Variants in TMED3 observed in about 807,000 individuals in gnomAD.
TMED3 encodes the protein transmembrane emp24 domain-containing protein 3.
Under a neutral mutation model 15.0 loss-of-function variants are expected in TMED3, and 9 were observed. The observed-to-expected ratio is 0.60, with a 90% CI of 0.36 to 1.04. The LOEUF (loss-of-function observed/expected upper bound fraction) is 1.04, where lower values mean the gene tolerates loss of function less well. TMED3 is among the 50% of genes least tolerant of loss of function. TMED3 has a pLI of 0.01. For synonymous variants in TMED3, 117 were observed against 121.4 expected (o/e 0.96, Z 0.24); for missense variants, 267 against 278.9 (o/e 0.96, Z 0.30).
At chr15:79,318,161 G>A (rs568183037) in intron 2 of TMED3, among the ~76,000 whole-genome samples, 4 of 152,212 alleles carry the variant, frequency 2.6e-5, no homozygotes, top group South Asian at 4.1e-4. Context: ...TCAGCTTGTC[G>A]TGTCCCATGT....
chr15:79,342,248 C>G (rs1330997934), intron 2 of TMED3, among the ~76,000 whole-genome samples: 1 of 151,120 alleles, frequency 6.6e-6, no homozygotes. Flanking sequence ...TGTTGGATCA[C>G]AAAGCAAAAC....
intron 2 of TMED3, among the ~76,000 whole-genome samples, chr15:79,319,201 T>G (rs551227336): frequency 7.9e-4 from 121 of 152,340 alleles, no homozygotes; most frequent in African/African-American, 2.9e-3. Flanking sequence ...CCTTTCTACG[T>G]GTGACATTTC....
At chr15:79,382,568 G>GCC (rs888868343) in intron 2 of TMED3, among the ~76,000 whole-genome samples, 34 of 152,296 alleles carry the variant, frequency 2.2e-4, no homozygotes, top group African/African-American at 7.9e-4. Context: ...TCCCACAGTG[G>GCC]CCCTCTGGCC....
At chr15:79,319,633 A>G (rs994861538) in intron 2 of TMED3, among the ~76,000 whole-genome samples, 1 of 152,188 alleles carries the variant, frequency 6.6e-6, no homozygotes, top group African/African-American at 2.4e-5. Context: ...CACTACCACC[A>G]AGACGCAGAG....
At chr15:79,362,181 T>C (rs1893142600) in intron 2 of TMED3, among the ~76,000 whole-genome samples, 1 of 151,878 alleles carries the variant, frequency 6.6e-6, no homozygotes, top group Non-Finnish European at 1.5e-5. Flanking sequence ...TATAAGTTAA[T>C]ATAGTTGGGT....
downstream of TMED3, among the ~76,000 whole-genome samples, chr15:79,323,088 A>G (rs1471929201): frequency 6.6e-6 from 1 of 152,332 alleles, no homozygotes; most frequent in East Asian, 1.9e-4. Flanking sequence ...TTCCTCTGAT[A>G]ATACCTTCTC....
At chr15:79,356,303 C>T (rs559079825) in intron 2 of TMED3, among the ~76,000 whole-genome samples, 8 of 152,266 alleles carry the variant, frequency 5.3e-5, no homozygotes, top group Admixed American at 1.3e-4. Flanking sequence ...ATTCATTTAG[C>T]GACAGGGTGG....
At chr15:79,331,553 A>C (rs1017008001) in intron 2 of TMED3, among the ~76,000 whole-genome samples, 31 of 151,756 alleles carry the variant, frequency 2.0e-4, no homozygotes, top group African/African-American at 7.3e-4. Flanking sequence ...AAAAAAAAAA[A>C]AAAAAAAAGG....
At chr15:79,340,087 C>T (rs538168787) in intron 2 of TMED3, among the ~76,000 whole-genome samples, 2 of 152,258 alleles carry the variant, frequency 1.3e-5, no homozygotes, top group South Asian at 4.1e-4. Flanking sequence ...CCCATTGCTC[C>T]TAGTAAATAC....
intron 2 of TMED3, among the ~76,000 whole-genome samples, chr15:79,389,039 C>T (rs1199726178): frequency 5.3e-5 from 8 of 151,996 alleles, no homozygotes; most frequent in Admixed American, 2.6e-4. Context: ...CTCTGTGGGT[C>T]GTCTATTTAC....
chr15:79,324,809 TAGAA>T (rs146870412), downstream of TMED3, among the ~76,000 whole-genome samples: 358 of 152,296 alleles, frequency 2.4e-3, no homozygotes, highest in African/African-American at 8.3e-3. Context: ...GGCATTTTAG[TAGAA>T]AGAGGACTGG....
intron 2 of TMED3, among the ~76,000 whole-genome samples, chr15:79,346,278 G>A (rs750934977): frequency 3.3e-5 from 5 of 152,048 alleles, no homozygotes; most frequent in African/African-American, 4.8e-5. Context: ...GTTTTGATAT[G>A]GTTAGACTTT....
At chr15:79,378,939 A>G (rs116879041) in intron 2 of TMED3, among the ~76,000 whole-genome samples, 50 of 152,322 alleles carry the variant, frequency 3.3e-4, no homozygotes, top group Non-Finnish European at 5.9e-4. Context: ...TAATATGGCA[A>G]AAGTGATATA....
Position 79,312,688 on chromosome 15 carries a change from A to C in TMED3, c.169-1069A>C, listed in dbSNP as rs1035644585. 1.2e-4 allele frequency among the ~76,000 whole-genome samples: 19 copies of C among 152,212 alleles called. No homozygotes were observed. In the East Asian group the frequency reaches 1.9e-3, roughly 15 times the overall value. ...TGGGTCTTATTTTTCTTATGTTACAAGGAGAGTTTGAACTAAATGATTCCC... is the reference window on the plus strand; with the variant it reads ...TGGGTCTTATTTTTCTTATGTTACACGGAGAGTTTGAACTAAATGATTCCC... On this transcript the variant is annotated intron_variant, in intron 1 of 2. Transcript: ENST00000299705.
chr15:79,322,440 A>G lies in TMED3; in HGVS notation c.*226A>G. ...ACTGCATTAAGTGTGCAGCGCTGAA[A>G]AGACATTTACAACTAGGCCAGGGAT... On this transcript the variant is annotated 3_prime_UTR_variant, in exon 3 of 3. Coordinates refer to ENST00000299705, the MANE Select transcript of TMED3 (RefSeq NM_007364.4). The G allele has an allele frequency of 1.5e-6, 2 of 1,372,514 alleles. No homozygotes were observed. The highest frequency in any genetic ancestry group is 3.5e-5 in the South Asian group (2 of 56,576). 85.0% of individuals were successfully genotyped at this position (1,372,514 alleles called of 1,614,324 possible).
At chr15:79,407,450 A>C (rs1218431740) in intron 2 of TMED3, among the ~76,000 whole-genome samples, 3 of 152,160 alleles carry the variant, frequency 2.0e-5, no homozygotes, top group Non-Finnish European at 4.4e-5. Flanking sequence ...TTCTTCCCAA[A>C]GTAAGGACTC....
chr15:79,323,167 C>T (rs1471221979), downstream of TMED3, among the ~76,000 whole-genome samples: 1 of 152,218 alleles, frequency 6.6e-6, no homozygotes, highest in African/African-American at 2.4e-5. Context: ...TGAAGTCCCT[C>T]CCAACCACTC....
chr15:79,366,771 C>G (rs1163538606), intron 2 of TMED3, among the ~76,000 whole-genome samples: 3 of 152,202 alleles, frequency 2.0e-5, no homozygotes, highest in African/African-American at 7.2e-5. Context: ...CTTCACAAAT[C>G]TAAAGCTCCA....
chr15:79,353,870 C>T (rs1440576081), intron 2 of TMED3, among the ~76,000 whole-genome samples: 3 of 152,138 alleles, frequency 2.0e-5, no homozygotes, highest in Non-Finnish European at 4.4e-5. Context: ...TCATATGCTT[C>T]TTCCCATTGT....
Sources: gnomAD v4.1 joint callset for allele counts (sites outside exome capture counted in the v4.1 genomes callset) on GRCh38, gnomAD v4.1.1 for gene constraint, MANE v1.5 for transcripts, NCBI Gene and HGNC (gene_info 2026-07-23, HGNC 2026-07-21) for gene names.